POLN: variants seen among roughly 807,000 people sequenced by gnomAD.
POLN encodes DNA polymerase nu.
In POLN, 108 loss-of-function variants were observed where a neutral mutation model predicts 113.5. The observed-to-expected ratio is 0.95, with a 90% CI of 0.81 to 1.12. The LOEUF is 1.12. Ranked by LOEUF, POLN falls within the 50% of genes most tolerant of loss-of-function variation. The pLI is 0.00. For missense variants in POLN, 1,097 were observed against 1,077.1 expected (o/e 1.02, Z -0.26); for synonymous variants, 386 against 391.5 (o/e 0.99, Z 0.17).
At chr4:2,230,272 G>A (rs942252861) in intron 2 of POLN, 1 of 152,138 alleles carries the variant, frequency 6.6e-6, no homozygotes, top group South Asian at 2.1e-4. Flanking sequence ...TCCAGCCTGA[G>A]TGACACAGTT....
At chr4:2,131,329 A>G (rs1731724035) in intron 16 of POLN, 39 bp from the exon 17 acceptor site, 1 of 1,347,750 alleles carries the variant, frequency 7.4e-7, no homozygotes. Flanking sequence ...TAAAATATCT[A>G]CTCTTAATCT....
At chr4:2,197,080 T>C (rs1733595398) in intron 6 of POLN, among the ~76,000 whole-genome samples, 1 of 152,220 alleles carries the variant, frequency 6.6e-6, no homozygotes, top group Non-Finnish European at 1.5e-5. Context: ...GTGGCTTTTC[T>C]ACACTTGATC....
chr4:2,222,424 C>A (rs1392377351), intron 3 of POLN, among the ~76,000 whole-genome samples: 2 of 152,034 alleles, frequency 1.3e-5, no homozygotes, highest in Admixed American at 1.3e-4. Context: ...GGCATGCACA[C>A]CTGTAGTCTC....
At chr4:2,217,671 G>GAA (rs1734144836) in intron 3 of POLN, among the ~76,000 whole-genome samples, 2 of 152,220 alleles carry the variant, frequency 1.3e-5, no homozygotes, top group African/African-American at 4.8e-5. Flanking sequence ...GCATTGCCTT[G>GAA]CTCCAGAGTT....
intron 9 of POLN, among the ~76,000 whole-genome samples, chr4:2,175,793 AG>A (rs1424620332): frequency 5.3e-5 from 8 of 152,244 alleles, no homozygotes; most frequent in African/African-American, 1.7e-4. Flanking sequence ...AGGGGGCAGG[AG>A]GGAGGGAAAC....
At chr4:2,081,117 C>A (rs1451494394) in intron 22 of POLN, 81 bp from the exon 23 acceptor site, 2 of 1,607,958 alleles carry the variant, frequency 1.2e-6, no homozygotes, top group Admixed American at 3.3e-5. Context: ...ATCGCCACAG[C>A]TCTCACGGTA....
At position 2,198,712 on chromosome 4, in the gene POLN, G is replaced by T. The variant is rs761491438; in HGVS notation, c.720C>A (p.Pro240=). The stretch of plus-strand genomic sequence containing the variant: ...CCACAATTCCTCTAACAGAAGAAAC[G>T]GGGGTCTGTGGAAACACAACAAAAT... ...GSTQLGADQT[P]VSSVRGIVVL... Residue 240 remains proline, a synonymous_variant, in exon 6 of 26, where the codon CCC becomes CCA. Coordinates refer to ENST00000511885, the MANE Select transcript of POLN (RefSeq NM_181808.4). 1.9e-6 allele frequency: 3 copies of T among 1,601,748 alleles called. No homozygotes were observed. Among genetic ancestry groups the T allele is most frequent in the Non-Finnish European group, 2.6e-6 (3 of 1,174,062 alleles).
intron 2 of POLN, chr4:2,234,391 A>C (rs1577795677): frequency 1.3e-5 from 2 of 152,550 alleles, no homozygotes; most frequent in Admixed American, 1.3e-4. Flanking sequence ...TGACTGCTAA[A>C]GGGGGTGATG....
chr4:2,166,554 G>A (rs1056780907), intron 13 of POLN, among the ~76,000 whole-genome samples: 10 of 152,306 alleles, frequency 6.6e-5, no homozygotes, highest in African/African-American at 2.4e-4. Flanking sequence ...GAGGAGGCTG[G>A]CATGTGGGTT....
chr4:2,232,307 A>T (rs779926025), intron 2 of POLN: 1 of 482,112 alleles, frequency 2.1e-6, no homozygotes, highest in Admixed American at 4.1e-5. Context: ...TTTAAAATCC[A>T]TAACAGGTTT....
intron 19 of POLN, among the ~76,000 whole-genome samples, chr4:2,123,108 C>T (rs80012151): frequency 6.6e-6 from 1 of 151,930 alleles, no homozygotes. Context: ...CTGCAGTGAG[C>T]TGTGAGTGGG....
In POLN at chr4:2,208,448, C is replaced by G; in HGVS notation, c.253G>C (p.Ala85Pro). 6.4e-7 allele frequency: 1 copy of G among 1,572,774 alleles called. No homozygotes were observed. Among genetic ancestry groups the G allele is most frequent in the Admixed American group, 2.0e-5 (1 of 49,140 alleles). Residue 85 changes from alanine to proline, a missense_variant, in exon 5 of 26, where the codon GCC (alanine) becomes CCC (proline). Physicochemically the swap from Ala to Pro is conservative, Grantham distance 27. Transcript: ENST00000511885. ...CTGAAGGACTGAGGAGACAGCTTGG[C>G]AGAACCTCTTGATGTCTGACTTCTT... ...SLRSQTSRGSAKLSPQSFSVR... is the reference protein window; with the variant it reads ...SLRSQTSRGSPKLSPQSFSVR...
chr4:2,177,972 C>A (rs747454300), intron 8 of POLN, among the ~76,000 whole-genome samples: 2 of 152,236 alleles, frequency 1.3e-5, no homozygotes, highest in African/African-American at 2.4e-5. Flanking sequence ...AGGCCTGGTA[C>A]TGCCTTTCCT....
intron 21 of POLN, among the ~76,000 whole-genome samples, chr4:2,085,343 T>G (rs1730520459): frequency 6.6e-6 from 1 of 152,220 alleles, no homozygotes; most frequent in Non-Finnish European, 1.5e-5. Context: ...CCTTTCCAGG[T>G]GCAGGCTTGT....
Position 2,156,984 on chromosome 4 carries a change from C to A in POLN, c.1666-131G>T, listed in dbSNP as rs915834600. The A allele has an allele frequency of 3.2e-5, 23 of 715,588 alleles. No individual in the cohort carries two copies. In the African/African-American group the frequency reaches 3.8e-4, roughly 12 times the overall value. The allele number at this position is 715,588 out of a possible 1,614,324, so 44.3% of individuals were successfully genotyped here. ...AGGCCAACAAGCTGCTGGCCCTAAA[C>A]TTCCAACCCTGAAATGTCCTTGGGG... On this transcript the variant is annotated intron_variant, in intron 15 of 25. Transcript: ENST00000511885.
At chr4:2,141,428 C>T (rs1731998407) in intron 16 of POLN, among the ~76,000 whole-genome samples, 1 of 152,138 alleles carries the variant, frequency 6.6e-6, no homozygotes, top group South Asian at 2.1e-4. Flanking sequence ...GCCTACATAC[C>T]CCCCGGCACC....
chr4:2,215,065 G>A (rs906300488), intron 3 of POLN, among the ~76,000 whole-genome samples: 1 of 152,002 alleles, frequency 6.6e-6, no homozygotes, highest in Admixed American at 6.6e-5. Flanking sequence ...AGAAATATAT[G>A]CAACAGTAAA....
intron 12 of POLN, 45 bp from the exon 13 acceptor site, chr4:2,170,819 A>C (rs1486780468): frequency 6.5e-7 from 1 of 1,531,470 alleles, no homozygotes; most frequent in Non-Finnish European, 9.0e-7. Flanking sequence ...CTCACATTTG[A>C]GAGAAACAGA....
chr4:2,087,405 T>A (rs1247761825), intron 20 of POLN, among the ~76,000 whole-genome samples: 1 of 152,170 alleles, frequency 6.6e-6, no homozygotes, highest in African/African-American at 2.4e-5. Context: ...CAGAAAGAAA[T>A]CAGATGGTGG....
Sources: allele counts gnomAD v4.1 joint callset (sites outside exome capture counted in the v4.1 genomes callset), GRCh38; gene constraint gnomAD v4.1.1; transcripts MANE v1.5; gene names NCBI Gene and HGNC (gene_info 2026-07-23, HGNC 2026-07-21).